Variants in FIS1 observed in about 807,000 individuals in gnomAD.
FIS1 encodes fission, mitochondrial 1.
In FIS1, 16 loss-of-function variants were observed where a neutral mutation model predicts 21.6. The observed-to-expected ratio is 0.74, with a 90% CI of 0.50 to 1.12. The LOEUF (loss-of-function observed/expected upper bound fraction) is 1.12. Among genes scored for constraint, FIS1 ranks in the 50% most tolerant of loss-of-function variants. The pLI, the probability that FIS1 is intolerant of heterozygous loss-of-function variation, is 0.00. For missense variants in FIS1, 198 were observed against 190.9 expected (o/e 1.04, Z -0.22); for synonymous variants, 92 against 82.2 (o/e 1.12, Z -0.65).
In FIS1 at chr7:101,245,044, G is replaced by C. The variant is rs779285246; in HGVS notation, c.-40C>G. ...CGAGCCTCACACTACAGTCTACTGT[G>C]CCACAGTCTCCATGGCCCAGTGGCA... On this transcript the variant is annotated 5_prime_UTR_variant, in exon 1 of 5. Transcript: ENST00000223136. The C allele has an allele frequency of 6.2e-7, 1 of 1,610,166 alleles. No individual in the cohort carries two copies. The highest frequency in any genetic ancestry group is 1.3e-5 in the African/African-American group (1 of 74,862).
At chr7:101,241,970 C>T (rs993576330) in intron 2 of FIS1, among the ~76,000 whole-genome samples, 5 of 152,074 alleles carry the variant, frequency 3.3e-5, no homozygotes, top group African/African-American at 9.7e-5. Flanking sequence ...GACAGGGTCT[C>T]GCTCTGTCAC....
chr7:101,239,650 A>G lies in FIS1; in HGVS notation c.*156T>C. ...GCCCCGTTTTATTTACACTCATCCC[A>G]AAGCACATGATGGGGCTGAAGGACG... On this transcript the variant is annotated 3_prime_UTR_variant, in exon 5 of 5. Transcript: ENST00000223136. 1 of 716,676 alleles carries G rather than the reference A, an allele frequency of 1.4e-6. No homozygotes were observed. The highest frequency in any genetic ancestry group is 1.5e-5 in the South Asian group (1 of 66,388). The allele number at this position is 716,676 out of a possible 1,614,324, so 44.4% of individuals were successfully genotyped here. A position where few individuals can be genotyped will look rare whatever the true frequency, so the allele number is the denominator to read the frequency against.
At position 101,244,271 on chromosome 7, in the gene FIS1, C is replaced by T. The variant is rs961936423; in HGVS notation, c.46-132G>A. Reference sequence around the variant, plus strand: ...TATCTGGCACCCCAGCTTCTGCTATCTCCATGCCCGGGACCCAGGCTTTCG... The same window carrying T: ...TATCTGGCACCCCAGCTTCTGCTATTTCCATGCCCGGGACCCAGGCTTTCG... On this transcript the variant is annotated intron_variant, in intron 1 of 4. Coordinates refer to ENST00000223136, the MANE Select transcript of FIS1 (RefSeq NM_016068.3). The T allele has an allele frequency of 7.3e-6, 9 of 1,238,742 alleles. No homozygotes were observed. In the Admixed American group the frequency reaches 1.7e-4, roughly 23 times the overall value. 76.7% of individuals were successfully genotyped at this position (1,238,742 alleles called of 1,614,324 possible).
At chr7:101,244,533 T>C (rs1466683761) in intron 1 of FIS1, 1 of 333,078 alleles carries the variant, frequency 3.0e-6, no homozygotes, top group Non-Finnish European at 5.6e-6. Context: ...CCTTTTATTG[T>C]CCAGGAATAG....
rs1182225019 is a variant in FIS1, at chr7:101,240,224, G to A, written c.279C>T (p.Tyr93=). ...RLKEYEKALK[Y]VRGLLQTEPQ... is the part of the protein sequence containing the mutation. ...GCTCTGTCTGCAGCAACCCGCGGAC[G>A]TACTTTAAGGCCTTCTCGTATTCCT... Residue 93 remains tyrosine (Y), a synonymous_variant, in exon 4 of 5, where the codon TAC becomes TAT. Transcript: ENST00000223136. 2 of 1,614,224 alleles carry A rather than the reference G, an allele frequency of 1.2e-6. No individual in the cohort carries two copies. Among genetic ancestry groups the A allele is most frequent in the Non-Finnish European group, 1.7e-6 (2 of 1,180,016 alleles).
rs1798707381 is a variant in FIS1 at position 101,239,712 on chromosome 7, A to C, written c.*94T>G. 9.7e-7 allele frequency: 1 copy of C among 1,029,132 alleles called. No individual in the cohort carries two copies. The highest frequency in any genetic ancestry group is 1.6e-5 in the African/African-American group (1 of 62,988). 63.8% of individuals were successfully genotyped at this position (1,029,132 alleles called of 1,614,324 possible). A position where few individuals can be genotyped will look rare whatever the true frequency, so the allele number is the denominator to read the frequency against. On this transcript the variant is annotated 3_prime_UTR_variant, in exon 5 of 5. Transcript: ENST00000223136. The stretch of plus-strand genomic sequence containing the variant: ...AGCAGAAATTAGCTGAAGGCCACAG[A>C]GGATAGAGACGGGGGGCAGGGGGAG...
intron 2 of FIS1, 123 bp from the exon 3 acceptor site, chr7:101,241,029 A>T: frequency 3.2e-6 from 3 of 932,068 alleles, no homozygotes; most frequent in Non-Finnish European, 3.4e-6. Flanking sequence ...CACAGTCCTA[A>T]GCCTCCCTTT....
chr7:101,244,947 G>C lies in FIS1; in HGVS notation c.45+13C>G. The C allele has an allele frequency of 6.2e-7, 1 of 1,613,974 alleles. No homozygotes were observed. Among genetic ancestry groups the C allele is most frequent in the East Asian group, 2.2e-5 (1 of 44,874 alleles). On this transcript the variant is annotated intron_variant, in intron 1 of 4. Transcript: ENST00000223136. The stretch of plus-strand genomic sequence containing the variant: ...CCGACCTTCCCTTTCCCTCTGTCCG[G>C]GCCAGGCCTCACCAGCAGGTCCTCC...
intron 2 of FIS1, among the ~76,000 whole-genome samples, chr7:101,243,549 TG>T (rs1371020287): frequency 6.6e-6 from 1 of 152,320 alleles, no homozygotes; most frequent in African/African-American, 2.4e-5. Context: ...TACTCCAGCC[TG>T]GGGGACAGAG....
At position 101,244,102 on chromosome 7, in the gene FIS1, C is replaced by T. The variant is rs1205371666; in HGVS notation, c.83G>A (p.Gly28Asp). 1.9e-6 allele frequency: 3 copies of T among 1,613,810 alleles called. No individual in the cohort carries two copies. Among genetic ancestry groups the T allele is most frequent in the Non-Finnish European group, 2.5e-6 (3 of 1,179,848 alleles). ...EKKFQSEKAAGSVSKSTQFEY... is the reference protein window; with the variant it reads ...EKKFQSEKAADSVSKSTQFEY... ...AAACTGCGTGCTCTTGGACACCGAG[C>T]CTGCTGCCTTCTCAGACTGAAATTT... is the stretch of plus-strand genomic sequence containing the variant. Residue 28 changes from glycine (G) to aspartate (D), a missense_variant, in exon 2 of 5, where the codon GGC becomes GAC. Transcript: ENST00000223136.
intron 2 of FIS1, among the ~76,000 whole-genome samples, chr7:101,242,391 C>T (rs181943682): frequency 6.6e-6 from 1 of 152,262 alleles, no homozygotes; most frequent in Non-Finnish European, 1.5e-5. Context: ...ACACCTACAC[C>T]CTGCTGTAGA....
intron 1 of FIS1, 133 bp downstream of exon 1, chr7:101,244,827 G>T: frequency 2.7e-6 from 3 of 1,106,030 alleles, no homozygotes; most frequent in Non-Finnish European, 2.7e-6. Flanking sequence ...CAGGCGCTGT[G>T]GAGGCTGCCG....
chr7:101,242,728 C>G (rs1340455933), intron 2 of FIS1, among the ~76,000 whole-genome samples: 1 of 152,070 alleles, frequency 6.6e-6, no homozygotes, highest in Non-Finnish European at 1.5e-5. Flanking sequence ...ACCTCGTGAT[C>G]CGCCTGCCCT....
chr7:101,242,455 T>G (rs1441600635), intron 2 of FIS1, among the ~76,000 whole-genome samples: 1 of 152,080 alleles, frequency 6.6e-6, no homozygotes, highest in Non-Finnish European at 1.5e-5. Flanking sequence ...TAAAATTATT[T>G]GTATCTTTTA....
intron 1 of FIS1, 116 bp from the exon 2 acceptor site, chr7:101,244,255 C>T (rs1798785153): frequency 7.5e-7 from 1 of 1,334,990 alleles, no homozygotes; most frequent in Non-Finnish European, 1.0e-6. Context: ...GTATCTGGCA[C>T]CCCAGCTTCT....
chr7:101,239,948 A>C (rs973410553), intron 4 of FIS1, 45 bp from the exon 5 acceptor site: 4 of 1,534,210 alleles, frequency 2.6e-6, no homozygotes, highest in Non-Finnish European at 3.5e-6. Context: ...CCCCTGCGGA[A>C]ACCCTGACCG....
At chr7:101,244,801 C>T in intron 1 of FIS1, 159 bp downstream of exon 1, 1 of 804,176 alleles carries the variant, frequency 1.2e-6, no homozygotes, top group Non-Finnish European at 2.0e-6. Flanking sequence ...GCATAGCAGG[C>T]CCTCCGGGCA....
Position 101,244,962 on chromosome 7 carries a change from G to C in FIS1, c.43C>G (p.Leu15Val), listed in dbSNP as rs1372498219. 1 of 1,613,920 alleles carries C rather than the reference G, an allele frequency of 6.2e-7. No individual in the cohort carries two copies. Among genetic ancestry groups the C allele is most frequent in the Admixed American group, 1.7e-5 (1 of 59,990 alleles). ...CCTCTGTCCGGGCCAGGCCTCACCA[G>C]CAGGTCCTCCACAGACACCAGCTCG... ...LNELVSVEDL[L>V]KFEKKFQSEK... is the part of the protein sequence containing the mutation. The change falls in exon 1 of 5, where the codon CTG becomes GTG. Residue 15 changes from leucine to valine, a missense_variant and splice_region_variant. Leu to Val is a conservative substitution (Grantham distance 32). Coordinates refer to ENST00000223136, the MANE Select transcript of FIS1 (RefSeq NM_016068.3).
intron 3 of FIS1, 71 bp downstream of exon 3, chr7:101,240,759 A>AG: frequency 6.9e-7 from 1 of 1,453,054 alleles, no homozygotes; most frequent in Non-Finnish European, 9.7e-7. Context: ...CCAGGGCTCC[A>AG]CCCTGGAGGA....
Sources: allele counts gnomAD v4.1 joint callset (sites outside exome capture counted in the v4.1 genomes callset), GRCh38; gene constraint gnomAD v4.1.1; transcripts MANE v1.5; gene names NCBI Gene and HGNC (gene_info 2026-07-23, HGNC 2026-07-21).